NUP160: variants seen among roughly 807,000 people sequenced by gnomAD.
NUP160 encodes nucleoporin 160.
NUP160 carries 94 observed loss-of-function variants against 196.9 expected under a neutral mutation model. The ratio of observed to expected loss-of-function variants is 0.48; its 90% CI spans 0.40 to 0.57. The LOEUF (loss-of-function observed/expected upper bound fraction) is 0.57. Among genes scored for constraint, NUP160 ranks in the 20% least tolerant of loss-of-function variants. NUP160 has a pLI of 0.00. For missense variants in NUP160, 1,638 were observed against 1,748.3 expected (o/e 0.94, Z 1.13); for synonymous variants, 605 against 619.7 (o/e 0.98, Z 0.35).
At chr11:47,826,603 C>T (rs1181345612) in intron 7 of NUP160, among the ~76,000 whole-genome samples, 1 of 147,312 alleles carries the variant, frequency 6.8e-6, no homozygotes, top group Non-Finnish European at 1.5e-5. Flanking sequence ...CTCTCTGTCA[C>T]TTAGGCTGGA....
rs1278040701 is a variant in NUP160 at position 47,820,877 on chromosome 11, T to C, written c.1277+847A>G. 2.6e-5 allele frequency among the ~76,000 whole-genome samples: 4 copies of C among 152,056 alleles called. No homozygotes were observed. The East Asian group carries it at 7.7e-4, about 29-fold the overall frequency. On this transcript the variant is annotated intron_variant, in intron 9 of 35. Coordinates refer to ENST00000378460, the Ensembl canonical transcript of NUP160. ...TAGTTTATTTTTTATAGAGACAAGG[T>C]CTTGCTATGTTGCCTGGACAGGTCT...
exon 4 of NUP160, chr11:47,839,971 A>G (rs1434981733): frequency 6.2e-7 from 1 of 1,612,784 alleles, no homozygotes; most frequent in African/African-American, 1.3e-5. Context: ...TATTCCAGGT[A>G]CTGCTGGAAT....
At chr11:47,838,309 AG>A (rs958392197) in intron 4 of NUP160, among the ~76,000 whole-genome samples, 1 of 152,168 alleles carries the variant, frequency 6.6e-6, no homozygotes, top group Non-Finnish European at 1.5e-5. Context: ...GCTGGTGAAG[AG>A]GGGAAGAGTG....
rs777641537 is a variant in NUP160, at chr11:47,792,955, A to T, written c.3290-9T>A. Reference sequence around the variant, plus strand: ...AAACATCACTGTGCCAGCTATGAGGAGATAATAAATTAGACTTTAGAACTT... The same window carrying T: ...AAACATCACTGTGCCAGCTATGAGGTGATAATAAATTAGACTTTAGAACTT... On this transcript the variant is annotated splice_polypyrimidine_tract_variant and intron_variant, in intron 27 of 35. Transcript: ENST00000378460. 6.2e-7 allele frequency: 1 copy of T among 1,601,572 alleles called. No individual in the cohort carries two copies. The highest frequency in any genetic ancestry group is 1.8e-5 in the Admixed American group (1 of 55,956).
intron 5 of NUP160, 58 bp downstream of exon 5, chr11:47,837,487 C>T (rs1852198805): frequency 1.6e-6 from 2 of 1,288,884 alleles, no homozygotes; most frequent in African/African-American, 1.5e-5. Flanking sequence ...TAACTGCCGA[C>T]CAGTGCAAAA....
intron 13 of NUP160, among the ~76,000 whole-genome samples, chr11:47,814,157 C>T (rs2097682861): frequency 6.9e-6 from 1 of 145,808 alleles, no homozygotes; most frequent in African/African-American, 2.5e-5. Context: ...AACAAACAAA[C>T]AAACAAACAA....
In NUP160 at chr11:47,801,997, G is replaced by T. The variant is rs564581105; in HGVS notation, c.2776-67C>A. On this transcript the variant is annotated intron_variant, in intron 22 of 35. Coordinates refer to ENST00000378460, the Ensembl canonical transcript of NUP160. ...AAATTCTAGGTGCTATGAATCAGGGGTTCACATGTAAGGGAAAGCCAAAAA... is the reference window on the plus strand; with the variant it reads ...AAATTCTAGGTGCTATGAATCAGGGTTTCACATGTAAGGGAAAGCCAAAAA... 9.8e-6 allele frequency: 15 copies of T among 1,527,592 alleles called. No homozygotes were observed. In the South Asian group the frequency reaches 1.6e-4, roughly 16 times the overall value. 94.6% of individuals were successfully genotyped at this position (1,527,592 alleles called of 1,614,324 possible).
At chr11:47,792,995 C>CTT in intron 27 of NUP160, 49 bp from the exon 28 acceptor site, 1 of 1,532,004 alleles carries the variant, frequency 6.5e-7, no homozygotes, top group Non-Finnish European at 8.9e-7. Context: ...ATTTTTTTTT[C>CTT]TTTTTTTTGG....
In NUP160 at chr11:47,816,058, A is replaced by G. The variant is rs186503326; in HGVS notation, c.1432-29T>C. 2.5e-4 allele frequency: 363 copies of G among 1,459,580 alleles called. 1 individual carries two copies. In the African/African-American group the frequency reaches 4.8e-3, roughly 19 times the overall value. The allele number at this position is 1,459,580 out of a possible 1,614,324, so 90.4% of individuals were successfully genotyped here. A position where few individuals can be genotyped will look rare whatever the true frequency, so the allele number is the denominator to read the frequency against. ...ACATTAAAAGACATTTTAGACTTCT[A>G]TATAATAGCCAAAACTGAATGGAAA... On this transcript the variant is annotated intron_variant, in intron 11 of 35. Coordinates refer to ENST00000378460, the Ensembl canonical transcript of NUP160.
Position 47,828,345 on chromosome 11 carries a change from T to A in NUP160, c.1102-6181A>T, listed in dbSNP as rs368806568. Among the ~76,000 whole-genome samples, 17 of 152,250 alleles carry A rather than the reference T, an allele frequency of 1.1e-4. No homozygotes were observed. In the East Asian group the frequency reaches 2.1e-3, roughly 19 times the overall value. On this transcript the variant is annotated intron_variant, in intron 7 of 35. Transcript: ENST00000378460. ...CACTCTGAAAATGAAATTAAGAAAA[T>A]AATTTCGTTTATAATAGCATCAAGA...
intron 2 of NUP160, among the ~76,000 whole-genome samples, chr11:47,844,620 C>T (rs1361495462): frequency 6.6e-6 from 1 of 152,180 alleles, no homozygotes; most frequent in Non-Finnish European, 1.5e-5. Context: ...GGCTCTTGCC[C>T]AACCACCCTA....
At position 47,819,355 on chromosome 11, in the gene NUP160, C is replaced by T. The variant is rs1393512300; in HGVS notation, c.1362+19G>A. On this transcript the variant is annotated intron_variant, in intron 10 of 35. Coordinates refer to ENST00000378460, the Ensembl canonical transcript of NUP160. ...CAAAGTAAATCATTCCCTTATATAA[C>T]ATTTGAGCATCTACTTACTCTGGGG... is the stretch of plus-strand genomic sequence containing the variant. 7.0e-6 allele frequency: 10 copies of T among 1,432,650 alleles called. No individual in the cohort carries two copies. The highest frequency in any genetic ancestry group is 1.4e-5 in the African/African-American group (1 of 71,046). 88.7% of individuals were successfully genotyped at this position (1,432,650 alleles called of 1,614,324 possible). A position where few individuals can be genotyped will look rare whatever the true frequency, so the allele number is the denominator to read the frequency against.
At chr11:47,845,656 GT>G (rs1852387561) in intron 2 of NUP160, among the ~76,000 whole-genome samples, 1 of 152,078 alleles carries the variant, frequency 6.6e-6, no homozygotes, top group Non-Finnish European at 1.5e-5. Context: ...CTATATCCCT[GT>G]TCCCTAAAAA....
chr11:47,779,532 T>C (rs1193398123), intron 35 of NUP160: 8 of 516,148 alleles, frequency 1.5e-5, no homozygotes, highest in Non-Finnish European at 3.1e-5. Flanking sequence ...AAGTGAAATA[T>C]AGAACTAATA....
intron 13 of NUP160, chr11:47,815,276 G>A (rs1397283252): frequency 2.4e-6 from 1 of 408,186 alleles, no homozygotes; most frequent in Non-Finnish European, 4.3e-6. Flanking sequence ...AAAGTATAGA[G>A]AATAACACAG....
At chr11:47,804,552 C>T (rs747611738) in exon 21 of NUP160, 26 of 1,532,758 alleles carry the variant, frequency 1.7e-5, no homozygotes, top group Non-Finnish European at 2.3e-5. Flanking sequence ...AACTCACCTG[C>T]AATTGTACAT....
At chr11:47,817,986 T>G in intron 11 of NUP160, 70 bp downstream of exon 11, 1 of 890,158 alleles carries the variant, frequency 1.1e-6, no homozygotes, top group Non-Finnish European at 1.8e-6. Flanking sequence ...ATGCAAAAAC[T>G]TAATAGTAAT....
intron 35 of NUP160, 70 bp from the exon 36 acceptor site, chr11:47,779,264 C>T: frequency 1.0e-6 from 1 of 994,882 alleles, no homozygotes; most frequent in Non-Finnish European, 1.5e-6. Flanking sequence ...TTATTAATAA[C>T]TTTGACTTCA....
chr11:47,789,595 A>G (rs2097666726), intron 29 of NUP160, among the ~76,000 whole-genome samples: 1 of 152,186 alleles, frequency 6.6e-6, no homozygotes, highest in Admixed American at 6.5e-5. Context: ...GCTACCAGAC[A>G]ACCTTTAGCA....
Sources: allele counts gnomAD v4.1 joint callset (sites outside exome capture counted in the v4.1 genomes callset), GRCh38; gene constraint gnomAD v4.1.1; transcripts MANE v1.5; gene names NCBI Gene and HGNC (gene_info 2026-07-23, HGNC 2026-07-21).